Variants in GRM8 observed in about 807,000 individuals in gnomAD.
GRM8 encodes metabotropic glutamate receptor 8.
In GRM8, 47 loss-of-function variants were observed where a neutral mutation model predicts 87.2. That is an observed-to-expected ratio of 0.54 (90% CI 0.43 to 0.69). GRM8 has a LOEUF of 0.69. Ranked by LOEUF, GRM8 falls within the 30% of genes least tolerant of loss-of-function variation. GRM8 has a pLI of 0.00. For synonymous variants in GRM8, 396 were observed against 404.5 expected, an observed-to-expected ratio of 0.98 and a Z score of 0.25; for missense variants, 1,019 against 1,139.2, an observed-to-expected ratio of 0.89 and a Z score of 1.52.
At chr7:126,782,202 T>G (rs1020746644) in intron 6 of GRM8, among the ~76,000 whole-genome samples, 1 of 152,184 alleles carries the variant, frequency 6.6e-6, no homozygotes, top group African/African-American at 2.4e-5. Context: ...TGTATTGCCA[T>G]AAACAATATA....
intron 3 of GRM8, among the ~76,000 whole-genome samples, chr7:127,069,225 C>T (rs763924181): frequency 6.6e-6 from 1 of 152,294 alleles, no homozygotes; most frequent in Admixed American, 6.5e-5. Flanking sequence ...TGCCACGGCA[C>T]GATCTCAGCT....
At chr7:126,803,314 C>A (rs773872623) in intron 6 of GRM8, among the ~76,000 whole-genome samples, 25 of 152,126 alleles carry the variant, frequency 1.6e-4, no homozygotes, top group Non-Finnish European at 2.9e-4. Flanking sequence ...GCACAGACTG[C>A]GGGTAGCTCC....
intron 8 of GRM8, among the ~76,000 whole-genome samples, chr7:126,593,157 T>C: frequency 6.6e-6 from 1 of 151,966 alleles, no homozygotes; most frequent in Non-Finnish European, 1.5e-5. Flanking sequence ...ATTGAAAAAG[T>C]TGATATTGTT....
At chr7:126,643,341 TATATATATATATATAG>T (rs1563050101) in intron 7 of GRM8, among the ~76,000 whole-genome samples, 2 of 104,728 alleles carry the variant, frequency 1.9e-5, no homozygotes, top group African/African-American at 3.8e-5. Flanking sequence ...TATATATATA[TATATATATATATATAG>T]TTTGAAGCAA....
intron 7 of GRM8, among the ~76,000 whole-genome samples, chr7:126,642,789 C>T (rs868324682): frequency 2.6e-5 from 4 of 152,220 alleles, no homozygotes; most frequent in Middle Eastern, 6.8e-3. Flanking sequence ...AACACACTTG[C>T]TGGAATCAGA....
chr7:126,491,637 CT>C (rs1346888694), intron 9 of GRM8, among the ~76,000 whole-genome samples: 1 of 152,026 alleles, frequency 6.6e-6, no homozygotes, highest in Non-Finnish European at 1.5e-5. Context: ...TCTCCTGATT[CT>C]TTTCTTATAG....
chr7:126,698,335 G>T (rs1809595453), intron 7 of GRM8, among the ~76,000 whole-genome samples: 1 of 151,966 alleles, frequency 6.6e-6, no homozygotes, highest in African/African-American at 2.4e-5. Context: ...TAATAGAATT[G>T]TTCTATTTTC....
chr7:126,806,429 G>C (rs1380549180), intron 6 of GRM8, among the ~76,000 whole-genome samples: 1 of 152,228 alleles, frequency 6.6e-6, no homozygotes, highest in Non-Finnish European at 1.5e-5. Flanking sequence ...AACCTCCAAA[G>C]TCCAGAAGAG....
intron 7 of GRM8, among the ~76,000 whole-genome samples, chr7:126,759,236 T>C (rs1817338462): frequency 6.6e-6 from 1 of 152,076 alleles, no homozygotes; most frequent in South Asian, 2.1e-4. Context: ...GTTTAAACCT[T>C]AATGTAATTA....
chr7:127,032,553 A>G (rs1351661343), intron 3 of GRM8, among the ~76,000 whole-genome samples: 4 of 152,212 alleles, frequency 2.6e-5, no homozygotes, highest in Admixed American at 6.5e-5. Context: ...GAAGCCCTGT[A>G]CTTTGTAAAG....
At chr7:126,442,302 G>A (rs1412108500) in intron 10 of GRM8, among the ~76,000 whole-genome samples, 4 of 151,992 alleles carry the variant, frequency 2.6e-5, no homozygotes, top group South Asian at 2.1e-4. Flanking sequence ...TTGGTGTGAA[G>A]TGAAACACAA....
At chr7:126,542,328 G>C (rs1816637536) in intron 8 of GRM8, among the ~76,000 whole-genome samples, 1 of 152,208 alleles carries the variant, frequency 6.6e-6, no homozygotes, top group African/African-American at 2.4e-5. Flanking sequence ...TGTACATACA[G>C]AAAGGAATAA....
At chr7:126,496,388 C>A (rs1340376930) in intron 9 of GRM8, among the ~76,000 whole-genome samples, 1 of 151,974 alleles carries the variant, frequency 6.6e-6, no homozygotes. Context: ...ATTCCTGACA[C>A]AGGTAGAACT....
chr7:126,805,810 A>G (rs1351518243), intron 6 of GRM8, among the ~76,000 whole-genome samples: 3 of 152,108 alleles, frequency 2.0e-5, no homozygotes, highest in Admixed American at 1.3e-4. Flanking sequence ...AGCGTTTATC[A>G]TTAGAATGAG....
chr7:126,891,815 C>T (rs1801037534), intron 6 of GRM8, among the ~76,000 whole-genome samples: 1 of 151,916 alleles, frequency 6.6e-6, no homozygotes, highest in Admixed American at 6.6e-5. Flanking sequence ...GGACAATAAC[C>T]ATTTTTGTTT....
intron 3 of GRM8, among the ~76,000 whole-genome samples, chr7:127,041,208 A>T (rs1818397052): frequency 1.3e-5 from 2 of 152,238 alleles, no homozygotes; most frequent in Admixed American, 1.3e-4. Flanking sequence ...AAGCAGGGGA[A>T]CAAAATGGGG....
At chr7:127,156,115 C>T (rs1341199022) in intron 2 of GRM8, among the ~76,000 whole-genome samples, 1 of 152,086 alleles carries the variant, frequency 6.6e-6, no homozygotes, top group East Asian at 1.9e-4. Flanking sequence ...AGAGATTGGT[C>T]GTAAGCAAGC....
chr7:126,523,989 T>C (rs1813439832), intron 9 of GRM8, among the ~76,000 whole-genome samples: 1 of 152,160 alleles, frequency 6.6e-6, no homozygotes, highest in Admixed American at 6.6e-5. Flanking sequence ...CAAAAAGCAA[T>C]TACTATATTA....
intron 7 of GRM8, among the ~76,000 whole-genome samples, chr7:126,621,485 C>A (rs1489630674): frequency 6.6e-6 from 1 of 152,148 alleles, no homozygotes; most frequent in Non-Finnish European, 1.5e-5. Context: ...GTGGCTCCAT[C>A]TCGGCTCACT....
Sources: allele counts gnomAD v4.1 joint callset (sites outside exome capture counted in the v4.1 genomes callset), GRCh38; gene constraint gnomAD v4.1.1; transcripts MANE v1.5; gene names NCBI Gene and HGNC (gene_info 2026-07-23, HGNC 2026-07-21).